The following ESCO1 variants were observed in gnomAD, a reference collection of about 807,000 sequenced individuals.
ESCO1 encodes N-acetyltransferase ESCO1.
A neutral mutation model predicts 83.5 loss-of-function variants in ESCO1; 33 were observed. That is an observed-to-expected ratio of 0.40 (90% CI 0.30 to 0.53). ESCO1 has a LOEUF of 0.53. ESCO1 is among the 20% of genes least tolerant of loss of function. The pLI is 0.63. For missense variants in ESCO1, 855 were observed against 968.0 expected (o/e 0.88, Z 1.55); for synonymous variants, 332 against 324.3 (o/e 1.02, Z -0.25).
At chr18:21,554,160 T>TG (rs759264175) in intron 8 of ESCO1, among the ~76,000 whole-genome samples, 1 of 152,112 alleles carries the variant, frequency 6.6e-6, no homozygotes, top group Non-Finnish European at 1.5e-5. Flanking sequence ...GGTGAGGACA[T>TG]GAAGCAAGGC....
At chr18:21,557,948 T>C (rs919668918) in intron 8 of ESCO1, among the ~76,000 whole-genome samples, 1 of 151,946 alleles carries the variant, frequency 6.6e-6, no homozygotes, top group Non-Finnish European at 1.5e-5. Context: ...AGAGGTTTCT[T>C]CCTAAATAGT....
intron 4 of ESCO1, among the ~76,000 whole-genome samples, chr18:21,569,868 C>T (rs2038316467): frequency 6.6e-6 from 1 of 152,072 alleles, no homozygotes; most frequent in Non-Finnish European, 1.5e-5. Flanking sequence ...AAAAAATACT[C>T]CAAACTCCAT....
At chr18:21,534,683 A>G (rs902846855) in intron 10 of ESCO1, among the ~76,000 whole-genome samples, 4 of 145,136 alleles carry the variant, frequency 2.8e-5, no homozygotes, top group African/African-American at 1.0e-4. Flanking sequence ...GGCTGGGTTC[A>G]GTGGCATGAT....
At chr18:21,567,856 T>C in intron 5 of ESCO1, 124 bp downstream of exon 5, 2 of 653,760 alleles carry the variant, frequency 3.1e-6, no homozygotes, top group South Asian at 4.3e-5. Context: ...AATCACATAT[T>C]TGAAAAATAC....
At chr18:21,571,133 T>C (rs543272573) in intron 4 of ESCO1, among the ~76,000 whole-genome samples, 1 of 152,328 alleles carries the variant, frequency 6.6e-6, no homozygotes, top group Admixed American at 6.5e-5. Context: ...TTCTAAATGT[T>C]TGCAATATTC....
At chr18:21,569,318 C>T (rs56043522) in intron 4 of ESCO1, among the ~76,000 whole-genome samples, 26,798 of 152,268 alleles carry the variant, frequency 0.18, 2,703 homozygotes, top group East Asian at 0.36. Flanking sequence ...ATACTTCAGG[C>T]GGGGCGTGGT....
chr18:21,580,712 A>G (rs1026800716), intron 2 of ESCO1, among the ~76,000 whole-genome samples: 5 of 152,332 alleles, frequency 3.3e-5, no homozygotes, highest in Non-Finnish European at 5.9e-5. Context: ...ACTATTGGCC[A>G]GGCACGGTGG....
intron 1 of ESCO1, chr18:21,592,909 G>A (rs1162285878): frequency 5.8e-6 from 1 of 171,572 alleles, no homozygotes; most frequent in Non-Finnish European, 1.2e-5. Flanking sequence ...TCACCTCCCA[G>A]ACGGGGTCGC....
At chr18:21,555,214 A>G (rs947192599) in intron 8 of ESCO1, among the ~76,000 whole-genome samples, 1 of 152,246 alleles carries the variant, frequency 6.6e-6, no homozygotes, top group African/African-American at 2.4e-5. Flanking sequence ...TAGAAAAGGT[A>G]AAACTATGGA....
At chr18:21,597,276 A>G (rs1410166571) in intron 1 of ESCO1, among the ~76,000 whole-genome samples, 1 of 152,230 alleles carries the variant, frequency 6.6e-6, no homozygotes, top group Non-Finnish European at 1.5e-5. Flanking sequence ...TCTTCTATCA[A>G]GGCCAAACAT....
chr18:21,534,345 G>A (rs1032961743), intron 10 of ESCO1, among the ~76,000 whole-genome samples: 3 of 152,164 alleles, frequency 2.0e-5, no homozygotes, highest in African/African-American at 7.2e-5. Flanking sequence ...GAGTTAATAT[G>A]CTAAAAGACA....
At chr18:21,590,224 T>C (rs1407534873) in intron 1 of ESCO1, among the ~76,000 whole-genome samples, 1 of 150,370 alleles carries the variant, frequency 6.7e-6, no homozygotes, top group Non-Finnish European at 1.5e-5. Context: ...TGAACCCTTT[T>C]TCTTTTTTTT....
intron 1 of ESCO1, among the ~76,000 whole-genome samples, chr18:21,584,782 C>T (rs1229084606): frequency 6.6e-6 from 1 of 152,128 alleles, no homozygotes; most frequent in Admixed American, 6.6e-5. Context: ...GATCATGCCA[C>T]TGCATTCCAG....
intron 5 of ESCO1, among the ~76,000 whole-genome samples, chr18:21,567,209 G>A (rs532163608): frequency 9.2e-5 from 14 of 152,214 alleles, no homozygotes; most frequent in African/African-American, 3.4e-4. Context: ...GTCACCCAGG[G>A]TGGAATGCAG....
intron 8 of ESCO1, 53 bp downstream of exon 8, chr18:21,560,806 G>C: frequency 6.3e-7 from 1 of 1,580,888 alleles, no homozygotes; most frequent in South Asian, 1.2e-5. Context: ...CTCATTAAGA[G>C]ACCGACCTAA....
chr18:21,580,095 C>T (rs2038480871), intron 2 of ESCO1, among the ~76,000 whole-genome samples: 2 of 151,636 alleles, frequency 1.3e-5, no homozygotes, highest in South Asian at 2.1e-4. Flanking sequence ...GACGGGTTTT[C>T]GGTGTATTGG....
At chr18:21,592,795 G>C (rs1221432689) in intron 1 of ESCO1, among the ~76,000 whole-genome samples, 1 of 147,316 alleles carries the variant, frequency 6.8e-6, no homozygotes, top group Non-Finnish European at 1.5e-5. Flanking sequence ...CTTCTCAGAC[G>C]GGGCGGCTGC....
intron 2 of ESCO1, 63 bp downstream of exon 2, chr18:21,584,247 A>G (rs1159446538): frequency 6.6e-6 from 1 of 152,184 alleles, no homozygotes; most frequent in Non-Finnish European, 1.5e-5. Flanking sequence ...AATATAAAAT[A>G]TATTTGGTAC....
chr18:21,592,926 G>A (rs1319627231), intron 1 of ESCO1: 2 of 172,348 alleles, frequency 1.2e-5, no homozygotes, highest in African/African-American at 4.8e-5. Context: ...TCGCGGCTGG[G>A]AAGAGGCGCT....
Sources: gnomAD v4.1 joint callset for allele counts (sites outside exome capture counted in the v4.1 genomes callset) on GRCh38, gnomAD v4.1.1 for gene constraint, MANE v1.5 for transcripts, NCBI Gene and HGNC (gene_info 2026-07-23, HGNC 2026-07-21) for gene names.